The following UBE2H variants were observed in gnomAD, a reference collection of about 807,000 sequenced individuals.
The protein encoded by UBE2H is ubiquitin-conjugating enzyme E2 H.
Under a neutral mutation model 29.0 loss-of-function variants are expected in UBE2H, and 3 were observed. The observed-to-expected ratio is 0.10, with a 90% CI of 0.05 to 0.27. UBE2H has a LOEUF of 0.27. Ranked by LOEUF, UBE2H falls within the 10% of genes least tolerant of loss-of-function variation. The probability of loss-of-function intolerance (pLI) is 1.00; values close to 1 mark genes in which losing one functional copy is unlikely to be tolerated. For missense variants in UBE2H, 68 were observed against 228.2 expected (o/e 0.30, Z 4.52); for synonymous variants, 69 against 82.9 (o/e 0.83, Z 0.91).
intron 2 of UBE2H, among the ~76,000 whole-genome samples, chr7:129,880,499 C>G (rs1174144559): frequency 1.3e-5 from 2 of 152,244 alleles, no homozygotes; most frequent in South Asian, 4.1e-4. Context: ...GAGTGAGACT[C>G]CATCACTTAA....
chr7:129,915,965 G>A (rs1051617232), intron 1 of UBE2H, among the ~76,000 whole-genome samples: 3 of 152,108 alleles, frequency 2.0e-5, no homozygotes, highest in African/African-American at 7.2e-5. Flanking sequence ...TATCTGCCTC[G>A]TAAGTCCATC....
chr7:129,888,868 T>C (rs1252761763), intron 1 of UBE2H, among the ~76,000 whole-genome samples: 2 of 152,174 alleles, frequency 1.3e-5, no homozygotes, highest in East Asian at 1.9e-4. Flanking sequence ...CAGAAAGAGT[T>C]TGCATAAAGT....
chr7:129,879,455 GA>G, intron 3 of UBE2H, 112 bp downstream of exon 3: 1 of 1,052,652 alleles, frequency 9.5e-7, no homozygotes, highest in Non-Finnish European at 1.4e-6. Flanking sequence ...GCCAAAAAAG[GA>G]AAAATTCAAT....
chr7:129,913,433 C>G (rs1806980345), intron 1 of UBE2H, among the ~76,000 whole-genome samples: 1 of 152,076 alleles, frequency 6.6e-6, no homozygotes, highest in African/African-American at 2.4e-5. Flanking sequence ...TGACCTGTTA[C>G]AAAAGGTCCT....
intron 3 of UBE2H, among the ~76,000 whole-genome samples, chr7:129,869,344 A>G (rs764218572): frequency 7.9e-5 from 12 of 151,910 alleles, no homozygotes; most frequent in Non-Finnish European, 1.3e-4. Context: ...ATTTACCTCC[A>G]CAATCACAAA....
At chr7:129,839,067 A>G in intron 6 of UBE2H, 140 bp downstream of exon 6, 3 of 1,292,364 alleles carry the variant, frequency 2.3e-6, no homozygotes, top group Non-Finnish European at 3.1e-6. Flanking sequence ...GTTGGTGAGC[A>G]CTACTTCAGC....
chr7:129,908,546 C>T (rs1457655084), intron 1 of UBE2H, among the ~76,000 whole-genome samples: 1 of 152,144 alleles, frequency 6.6e-6, no homozygotes. Context: ...TTATAGATGC[C>T]TATTTCACGT....
intron 1 of UBE2H, among the ~76,000 whole-genome samples, chr7:129,921,369 T>C (rs930082975): frequency 6.6e-6 from 1 of 152,118 alleles, no homozygotes; most frequent in Non-Finnish European, 1.5e-5. Flanking sequence ...CTTTTTAAAA[T>C]ATGCAGCTAC....
rs538488935 is a variant in UBE2H, at chr7:129,831,717, C to T, written c.*3220G>A. ...GAGGGTGATGAAATTGACGACAAAGCCAAATGTCAGTGTCTAAGATGGCTA... is the reference window on the plus strand; with the variant it reads ...GAGGGTGATGAAATTGACGACAAAGTCAAATGTCAGTGTCTAAGATGGCTA... On this transcript the variant is annotated 3_prime_UTR_variant, in exon 7 of 7. Coordinates refer to ENST00000355621, the MANE Select transcript of UBE2H (RefSeq NM_003344.4). The T allele has an allele frequency of 6.6e-6, 1 of 152,324 alleles. No individual in the cohort carries two copies. The highest frequency in any genetic ancestry group is 1.9e-4 in the East Asian group (1 of 5,196). The allele number at this position is 152,324 out of a possible 1,614,324, so 9.4% of individuals were successfully genotyped here. A position where few individuals can be genotyped will look rare whatever the true frequency, so the allele number is the denominator to read the frequency against.
intron 1 of UBE2H, among the ~76,000 whole-genome samples, chr7:129,919,945 T>C (rs1807123055): frequency 6.6e-6 from 1 of 152,226 alleles, no homozygotes; most frequent in Non-Finnish European, 1.5e-5. Flanking sequence ...CTCTCATATG[T>C]TGCTGATGGG....
intron 1 of UBE2H, among the ~76,000 whole-genome samples, chr7:129,944,279 C>A (rs1286942875): frequency 6.6e-6 from 1 of 152,108 alleles, no homozygotes; most frequent in African/African-American, 2.4e-5. Flanking sequence ...TGGCGTGAAC[C>A]CAGGAGGCGG....
At chr7:129,934,919 GTA>G (rs1807490572) in intron 1 of UBE2H, among the ~76,000 whole-genome samples, 1 of 117,560 alleles carries the variant, frequency 8.5e-6, no homozygotes, top group South Asian at 3.3e-4. Context: ...ATGTGTGTGT[GTA>G]TATATATGTG....
At chr7:129,942,404 T>C (rs1194958074) in intron 1 of UBE2H, among the ~76,000 whole-genome samples, 1 of 151,948 alleles carries the variant, frequency 6.6e-6, no homozygotes, top group African/African-American at 2.4e-5. Context: ...GGAGAATCGC[T>C]TGAACCTGGG....
At position 129,834,796 on chromosome 7, in the gene UBE2H, T is replaced by A. The variant is rs1805292225; in HGVS notation, c.*141A>T. On this transcript the variant is annotated 3_prime_UTR_variant, in exon 7 of 7. Coordinates refer to ENST00000355621, the MANE Select transcript of UBE2H (RefSeq NM_003344.4). ...AAATCAAGATCTAAAGGGTGATATA[T>A]AATATATATATATCAATGCTATTAT... is the stretch of plus-strand genomic sequence containing the variant. 2.2e-6 allele frequency: 2 copies of A among 918,702 alleles called. No homozygotes were observed. The allele number at this position is 918,702 out of a possible 1,614,324, so 56.9% of individuals were successfully genotyped here. A position where few individuals can be genotyped will look rare whatever the true frequency, so the allele number is the denominator to read the frequency against.
chr7:129,866,788 G>A (rs925517224), intron 3 of UBE2H, among the ~76,000 whole-genome samples: 13 of 152,300 alleles, frequency 8.5e-5, no homozygotes, highest in African/African-American at 2.2e-4. Context: ...AAATGCCACT[G>A]TGTGAGCCTC....
intron 5 of UBE2H, among the ~76,000 whole-genome samples, chr7:129,846,335 C>T (rs1344345711): frequency 6.0e-5 from 9 of 149,938 alleles, no homozygotes; most frequent in South Asian, 2.1e-4. Flanking sequence ...TAGGGAGATC[C>T]GGTCTCTACA....
chr7:129,857,575 G>A lies in UBE2H; in HGVS notation c.246-12C>T, dbSNP rs765696665. On this transcript the variant is annotated splice_polypyrimidine_tract_variant and intron_variant, in intron 4 of 6. Transcript: ENST00000355621. ...ACACAGTTCCTGACCTGAAACAGAT[G>A]GAAAGAATGGCATGTTTTTAAAAAT... The A allele has an allele frequency of 3.7e-6, 6 of 1,607,218 alleles. No individual in the cohort carries two copies. Among genetic ancestry groups the A allele is most frequent in the Non-Finnish European group, 5.1e-6 (6 of 1,177,706 alleles).
chr7:129,908,521 T>C (rs1338671444), intron 1 of UBE2H, among the ~76,000 whole-genome samples: 3 of 152,192 alleles, frequency 2.0e-5, no homozygotes, highest in Non-Finnish European at 4.4e-5. Flanking sequence ...AACTTTAGTT[T>C]CAAAAACTAT....
intron 3 of UBE2H, among the ~76,000 whole-genome samples, chr7:129,867,723 C>CAAAAAAAA (rs1563027569): frequency 3.1e-5 from 2 of 65,560 alleles, no homozygotes; most frequent in Non-Finnish European, 5.4e-5. Context: ...AAAAAGAAAA[C>CAAAAAAAA]CAAAAAAAAA....
Sources: allele counts gnomAD v4.1 joint callset (sites outside exome capture counted in the v4.1 genomes callset), GRCh38; gene constraint gnomAD v4.1.1; transcripts MANE v1.5; gene names NCBI Gene and HGNC (gene_info 2026-07-23, HGNC 2026-07-21).